DGKH: variants seen among roughly 807,000 people sequenced by gnomAD.
The protein encoded by DGKH is DAG kinase eta.
Under a neutral mutation model 159.3 loss-of-function variants are expected in DGKH, and 90 were observed. The ratio of observed to expected loss-of-function variants is 0.57; its 90% CI spans 0.48 to 0.67. DGKH has a LOEUF of 0.67. Ranked by LOEUF, DGKH falls within the 30% of genes least tolerant of loss-of-function variation. DGKH has a pLI of 0.00. For synonymous variants in DGKH, 536 were observed against 553.8 expected, an observed-to-expected ratio of 0.97 and a Z score of 0.45; for missense variants, 1,181 against 1,506.1, an observed-to-expected ratio of 0.78 and a Z score of 3.57.
chr13:42,142,167 T>G (rs1955579714), intron 3 of DGKH, among the ~76,000 whole-genome samples: 1 of 152,200 alleles, frequency 6.6e-6, no homozygotes, highest in Non-Finnish European at 1.5e-5. Context: ...TTTCCCCATT[T>G]CTTGTTTTAG....
intron 9 of DGKH, among the ~76,000 whole-genome samples, chr13:42,166,931 T>A (rs1056305165): frequency 6.6e-6 from 1 of 152,224 alleles, no homozygotes; most frequent in African/African-American, 2.4e-5. Context: ...ACAATTTCTT[T>A]AGCTCCAAGA....
upstream of DGKH, among the ~76,000 whole-genome samples, chr13:42,047,288 C>T (rs1433091111): frequency 1.3e-5 from 2 of 151,766 alleles, no homozygotes; most frequent in African/African-American, 2.4e-5. Flanking sequence ...ACTGTTAGCT[C>T]TAATATATCA....
At position 42,210,660 on chromosome 13, in the gene DGKH, C is replaced by T; in HGVS notation, c.2909C>T (p.Pro970Leu). The T allele has an allele frequency of 6.2e-7, 1 of 1,612,048 alleles. No homozygotes were observed. The highest frequency in any genetic ancestry group is 8.5e-7 in the Non-Finnish European group (1 of 1,179,930). The stretch of plus-strand genomic sequence containing the variant: ...AAGCAGAAGTGTGATTCTGGTAAAC[C>T]AGTTCTCCGAACCCATTTGTACATC... The part of the protein sequence containing the change: ...EDKQKCDSGK[P>L]VLRTHLYIHH... Residue 970 changes from proline (P) to leucine (L), a missense_variant, in exon 24 of 30, where the codon CCA becomes CTA. Around this residue, in one of 5 missense-constraint regions of DGKH, gnomAD observed 335 missense variants for 495.2 expected, o/e 0.68. Coordinates refer to ENST00000337343, the MANE Select transcript of DGKH (RefSeq NM_178009.5).
chr13:42,084,455 C>T (rs1295082298), intron 1 of DGKH, among the ~76,000 whole-genome samples: 2 of 151,788 alleles, frequency 1.3e-5, no homozygotes, highest in African/African-American at 2.4e-5. Context: ...TTAAAACTAC[C>T]AGATTTTTTT....
downstream of DGKH, among the ~76,000 whole-genome samples, chr13:42,246,274 T>A (rs928542130): frequency 2.6e-5 from 4 of 152,080 alleles, no homozygotes; most frequent in African/African-American, 9.7e-5. Flanking sequence ...GGGATGGTGA[T>A]ACCAGCCGCA....
intron 1 of DGKH, among the ~76,000 whole-genome samples, chr13:42,072,184 A>G (rs1883018766): frequency 6.6e-6 from 1 of 152,242 alleles, no homozygotes; most frequent in South Asian, 2.1e-4. Context: ...GCTGTATGAC[A>G]TAACCGCTCT....
At chr13:42,247,133 T>C (rs1228184747), downstream of DGKH, among the ~76,000 whole-genome samples, 1 of 152,048 alleles carries the variant, frequency 6.6e-6, no homozygotes, top group Non-Finnish European at 1.5e-5. Flanking sequence ...TAAAGTACCA[T>C]ATAACACACA....
At chr13:42,254,875 T>C (rs1264437810) in intron 30 of DGKH, among the ~76,000 whole-genome samples, 1 of 152,170 alleles carries the variant, frequency 6.6e-6, no homozygotes, top group Non-Finnish European at 1.5e-5. Context: ...GATTTTGCCA[T>C]CTTTATGCAT....
In DGKH at chr13:42,048,732, C is replaced by T. The variant is rs1451146832; in HGVS notation, c.-42C>T. On this transcript the variant is annotated 5_prime_UTR_variant, in exon 1 of 30. Coordinates refer to ENST00000337343, the MANE Select transcript of DGKH (RefSeq NM_178009.5). The surrounding 1 kb of genome is among the most constrained non-coding windows in gnomAD (Gnocchi z 6.7). Reference sequence around the variant, plus strand: ...GCCCACCCGCTGACCAACGCCGCCGCCCCCGCCGGGCGGTGCTGTGTCCCC... The same window carrying T: ...GCCCACCCGCTGACCAACGCCGCCGTCCCCGCCGGGCGGTGCTGTGTCCCC... 8.8e-6 allele frequency: 11 copies of T among 1,244,308 alleles called. No homozygotes were observed. The South Asian group carries it at 1.1e-4, about 13-fold the overall frequency. 77.1% of individuals were successfully genotyped at this position (1,244,308 alleles called of 1,614,324 possible).
Position 42,239,057 on chromosome 13 carries a change from G to T in DGKH, c.*9869G>T, listed in dbSNP as rs2138318754. The T allele has an allele frequency of 6.6e-6, 1 of 152,266 alleles. No individual in the cohort carries two copies. Among genetic ancestry groups the T allele is most frequent in the Non-Finnish European group, 1.5e-5 (1 of 67,984 alleles). The allele number at this position is 152,266 out of a possible 1,614,324, so 9.4% of individuals were successfully genotyped here. A position where few individuals can be genotyped will look rare whatever the true frequency, so the allele number is the denominator to read the frequency against. On this transcript the variant is annotated 3_prime_UTR_variant, in exon 30 of 30. Transcript: ENST00000337343. ...ACACAACTTAATTTTCATGATGATA[G>T]ATCTCTGAATGATTAATCCAGAATG...
chr13:42,192,025 T>G (rs1957083044), intron 16 of DGKH, among the ~76,000 whole-genome samples: 1 of 152,202 alleles, frequency 6.6e-6, no homozygotes, highest in Non-Finnish European at 1.5e-5. Context: ...GGTTGAAAAG[T>G]TACTATAAGT....
At chr13:42,151,611 ACACC>A (rs1566134938) in intron 3 of DGKH, among the ~76,000 whole-genome samples, 2 of 100,606 alleles carry the variant, frequency 2.0e-5, no homozygotes, top group Non-Finnish European at 2.1e-5. Flanking sequence ...ACACACACAC[ACACC>A]CCATGGAAAA....
chr13:42,129,274 C>T (rs1407143287), intron 2 of DGKH, among the ~76,000 whole-genome samples: 1 of 152,158 alleles, frequency 6.6e-6, no homozygotes, highest in Non-Finnish European at 1.5e-5. Context: ...AGCAGGTTCC[C>T]CGTAAGTGGT....
intron 13 of DGKH, among the ~76,000 whole-genome samples, chr13:42,185,744 T>C (rs1250378108): frequency 6.6e-6 from 1 of 152,174 alleles, no homozygotes; most frequent in Non-Finnish European, 1.5e-5. Context: ...GTATTGTTCA[T>C]GATCAAAGAA....
chr13:42,080,648 G>A (rs1402261272), intron 1 of DGKH, among the ~76,000 whole-genome samples: 3 of 152,050 alleles, frequency 2.0e-5, no homozygotes, highest in Admixed American at 6.6e-5. Context: ...GAAAAATCAA[G>A]TCTACAATAT....
intron 16 of DGKH, among the ~76,000 whole-genome samples, chr13:42,194,504 T>C: frequency 6.6e-6 from 1 of 152,226 alleles, no homozygotes; most frequent in Non-Finnish European, 1.5e-5. Context: ...TAATTAAATT[T>C]GATCATTCAC....
At chr13:42,082,673 T>C (rs1305766928) in intron 1 of DGKH, among the ~76,000 whole-genome samples, 1 of 152,220 alleles carries the variant, frequency 6.6e-6, no homozygotes, top group East Asian at 1.9e-4. Flanking sequence ...AGTCACCATT[T>C]TCACCAGGTT....
intron 1 of DGKH, among the ~76,000 whole-genome samples, chr13:42,056,527 T>A (rs945485094): frequency 6.6e-6 from 1 of 152,242 alleles, no homozygotes; most frequent in Non-Finnish European, 1.5e-5. Flanking sequence ...TTTCTATACA[T>A]GATCTTATGG....
chr13:42,048,796 AC>A lies in DGKH; in HGVS notation c.25del (p.His9ThrfsTer43). The stretch of plus-strand genomic sequence containing the variant: ...AGGATGGCAGGGGCCGGAGGCCAGC[AC>A]CACCCTCCGGGCGCCGCTGGAGGAG... MAGAGGQ[H>X]HPPGAAGGAA... On this transcript the variant is annotated frameshift_variant, in exon 1 of 30. Coordinates refer to ENST00000337343, the MANE Select transcript of DGKH (RefSeq NM_178009.5). LOFTEE classifies it high-confidence loss of function. The surrounding 1 kb of genome is among the most constrained non-coding windows in gnomAD (Gnocchi z 6.7). 7.6e-7 allele frequency: 1 copy of A among 1,314,248 alleles called. No individual in the cohort carries two copies. 81.4% of individuals were successfully genotyped at this position (1,314,248 alleles called of 1,614,324 possible).
Sources: allele counts gnomAD v4.1 joint callset (sites outside exome capture counted in the v4.1 genomes callset), GRCh38; gene constraint gnomAD v4.1.1; regional missense constraint gnomAD v4.1.1; non-coding constraint Gnocchi (gnomAD v3.1); transcripts MANE v1.5; gene names NCBI Gene and HGNC (gene_info 2026-07-23, HGNC 2026-07-21).